Variants in SYN1 observed in about 807,000 individuals in gnomAD.
SYN1 encodes the protein synapsin I, also known as synapsin-1.
SYN1 carries 8 observed loss-of-function variants against 44.6 expected under a neutral mutation model. The observed-to-expected ratio is 0.18, with a 90% confidence interval of 0.11 to 0.32. The LOEUF (loss-of-function observed/expected upper bound fraction) is 0.32, where lower values mean the gene tolerates loss of function less well. Among genes scored for constraint, SYN1 ranks in the 10% least tolerant of loss-of-function variants. The probability of loss-of-function intolerance (pLI) is 1.00; values close to 1 mark genes in which losing one functional copy is unlikely to be tolerated. For missense variants in SYN1, 451 were observed against 639.4 expected (o/e 0.71, Z 3.18); for synonymous variants, 275 against 280.1 (o/e 0.98, Z 0.18).
chrX:47,605,028 C>T lies in SYN1; in HGVS notation c.724G>A (p.Glu242Lys). Residue 242 changes from glutamate (E) to lysine (K), a missense_variant, in exon 5 of 13, where the codon GAA becomes AAA. Glu to Lys is a moderately conservative substitution (Grantham distance 56). Transcript: ENST00000295987. ...MVRLHKKLGT[E>K]EFPLIDQTFY... ...GTCTGATCAATTAGAGGGAATTCTT[C>T]TGTCCCCAGTTTCTTATGCAGTCGA... The T allele has an allele frequency of 1.2e-5, 14 of 1,212,045 alleles. No individual in the cohort carries two copies. The highest frequency in any genetic ancestry group is 1.6e-5 in the Non-Finnish European group (14 of 895,579).
intron 5 of SYN1, chrX:47,583,519 T>C: frequency 2.5e-6 from 3 of 1,198,705 alleles, no homozygotes; most frequent in Non-Finnish European, 3.4e-6. Context: ...CAGACGGCCT[T>C]CTGCAATTCC....
chrX:47,608,585 G>A (rs896675325), intron 1 of SYN1, among the ~76,000 whole-genome samples: 1 of 110,758 alleles, frequency 9.0e-6, no homozygotes. Flanking sequence ...AGTGTAGCTG[G>A]CAATGATGGG....
intron 5 of SYN1, among the ~76,000 whole-genome samples, chrX:47,580,222 CATGTTGCCCAGA>C (rs1270873517): frequency 9.6e-6 from 1 of 104,220 alleles, no homozygotes. Context: ...AGGGTTTCAC[CATGTTGCCCAGA>C]CTGGTCTTGA....
At chrX:47,576,031 G>T in intron 9 of SYN1, 100 bp downstream of exon 9, 1 of 874,786 alleles carries the variant, frequency 1.1e-6, no homozygotes, top group Non-Finnish European at 1.6e-6. Context: ...GCACATTGCT[G>T]TTGGCTGAGG....
Position 47,607,204 on chromosome X carries a change from G to A in SYN1, c.378-6C>T. Reference sequence around the variant, plus strand: ...TCCCTTTGAAGTATTTTGCCCTGGAGAGGAAAAACAACACATCTGTCAATG... The same window carrying A: ...TCCCTTTGAAGTATTTTGCCCTGGAAAGGAAAAACAACACATCTGTCAATG... On this transcript the variant is annotated splice_polypyrimidine_tract_variant and splice_region_variant and intron_variant, in intron 1 of 12. Coordinates refer to ENST00000295987, the MANE Select transcript of SYN1 (RefSeq NM_006950.3). 1 of 1,208,973 alleles carries A rather than the reference G, an allele frequency of 8.3e-7. No homozygotes were observed. The highest frequency in any genetic ancestry group is 1.1e-6 in the Non-Finnish European group (1 of 893,022).
intron 5 of SYN1, among the ~76,000 whole-genome samples, chrX:47,591,882 C>A (rs1014215924): frequency 9.0e-6 from 1 of 111,508 alleles, no homozygotes; most frequent in Non-Finnish European, 1.9e-5. Flanking sequence ...ATGGCAAAAA[C>A]GAAACTTTAC....
In SYN1 at chrX:47,574,743, G is replaced by A; in HGVS notation, c.1338C>T (p.Arg446=). 8.4e-6 allele frequency: 10 copies of A among 1,189,660 alleles called. No individual in the cohort carries two copies. Among genetic ancestry groups the A allele is most frequent in the Admixed American group, 2.4e-5 (1 of 41,556 alleles). Residue 446 remains arginine, a synonymous_variant, in exon 11 of 13, where the codon CGC becomes CGT. Coordinates refer to ENST00000295987, the MANE Select transcript of SYN1 (RefSeq NM_006950.3). ...GCCCTGCGGGCTGCTGGGAGGTCTG[G>A]CGGCCCAAGGGCAGGGCCCCTGGGG... is the stretch of plus-strand genomic sequence containing the variant. ...TPSPGALPLG[R]QTSQQPAGPP...
chrX:47,582,008 A>G (rs781486895), intron 5 of SYN1, among the ~76,000 whole-genome samples: 37 of 112,807 alleles, frequency 3.3e-4, no homozygotes, highest in South Asian at 1.8e-3. Flanking sequence ...AGACATACAA[A>G]ACAAGGGATT....
chrX:47,618,994 G>T, intron 1 of SYN1, among the ~76,000 whole-genome samples: 1 of 110,924 alleles, frequency 9.0e-6, no homozygotes, highest in Admixed American at 9.5e-5. Flanking sequence ...GTGCTCACAA[G>T]ATCCATTAGA....
intron 1 of SYN1, among the ~76,000 whole-genome samples, chrX:47,609,917 G>C (rs1006062211): frequency 8.1e-5 from 9 of 111,562 alleles, no homozygotes; most frequent in Middle Eastern, 4.2e-3. Flanking sequence ...CTGATGGTGG[G>C]CTGTAATGGG....
At position 47,585,982 on chromosome X, in the gene SYN1, A is replaced by G. The variant is rs1360590778; in HGVS notation, c.775-8481T>C. ...CCCCGGGATTGTTTCTTGGTTCCCC[A>G]GAATGTTCTCCAAGAACCCAAAGTG... is the stretch of plus-strand genomic sequence containing the variant. On this transcript the variant is annotated intron_variant, in intron 5 of 12. Transcript: ENST00000295987. 8 of 1,040,237 alleles carry G rather than the reference A, an allele frequency of 7.7e-6. No individual in the cohort carries two copies. The Admixed American group carries it at 2.1e-4, about 27-fold the overall frequency. The allele number at this position is 1,040,237 out of a possible 1,213,427, so 85.7% of individuals were successfully genotyped here.
rs2057772293 is a variant in SYN1 at position 47,574,783 on chromosome X, A to G, written c.1306-8T>C. 7.7e-6 allele frequency: 9 copies of G among 1,172,104 alleles called. No homozygotes were observed. Among genetic ancestry groups the G allele is most frequent in the Non-Finnish European group, 9.2e-6 (8 of 872,518 alleles). Reference sequence around the variant, plus strand: ...GGCCCCTGGGGACGGAGTCTGCGGCAGAGGAATGGAGCAGGAGAGGTTAAA... The same window carrying G: ...GGCCCCTGGGGACGGAGTCTGCGGCGGAGGAATGGAGCAGGAGAGGTTAAA... On this transcript the variant is annotated splice_polypyrimidine_tract_variant and splice_region_variant and intron_variant, in intron 10 of 12. Transcript: ENST00000295987.
chrX:47,619,332 C>T lies in SYN1; in HGVS notation c.377+20G>A, dbSNP rs1426156374. 1.7e-6 allele frequency: 2 copies of T among 1,200,706 alleles called. No homozygotes were observed. Among genetic ancestry groups the T allele is most frequent in the South Asian group, 1.8e-5 (1 of 56,507 alleles). On this transcript the variant is annotated intron_variant, in intron 1 of 12. Coordinates refer to ENST00000295987, the MANE Select transcript of SYN1 (RefSeq NM_006950.3). ...TCTGGGGACCCAGGCCCACGGGAGA[C>T]GTCCGCGGCAGTGGCTTACCAGTCG...
intron 5 of SYN1, among the ~76,000 whole-genome samples, chrX:47,589,760 T>C (rs2057841681): frequency 9.0e-6 from 1 of 111,363 alleles, no homozygotes; most frequent in Admixed American, 9.6e-5. Flanking sequence ...GCCTAACTCA[T>C]AGAGACAATG....
At chrX:47,613,738 C>T (rs1445673694) in intron 1 of SYN1, among the ~76,000 whole-genome samples, 1 of 111,423 alleles carries the variant, frequency 9.0e-6, no homozygotes, top group African/African-American at 3.3e-5. Flanking sequence ...GTATTACACA[C>T]CACGCCACCC....
chrX:47,577,752 C>G (rs1274531817), intron 5 of SYN1, among the ~76,000 whole-genome samples: 1 of 110,157 alleles, frequency 9.1e-6, no homozygotes, highest in Non-Finnish European at 1.9e-5. Context: ...ACGTCCCGCC[C>G]CTGCTTTCCC....
At chrX:47,582,345 A>G (rs1053991841) in intron 5 of SYN1, 6 of 187,327 alleles carry the variant, frequency 3.2e-5, no homozygotes, top group Non-Finnish European at 5.2e-5. Context: ...TGAGTAATGC[A>G]TCCAGGAAGC....
chrX:47,593,959 G>T (rs942738337), intron 5 of SYN1, among the ~76,000 whole-genome samples: 1 of 112,144 alleles, frequency 8.9e-6, no homozygotes, highest in Non-Finnish European at 1.9e-5. Context: ...TACCAGGCGT[G>T]GTGGCTCATG....
chrX:47,606,178 C>G (rs2057896379), intron 3 of SYN1, among the ~76,000 whole-genome samples: 1 of 111,607 alleles, frequency 9.0e-6, no homozygotes, highest in Non-Finnish European at 1.9e-5. Flanking sequence ...TAGGCATGAG[C>G]CACCACATCC....
Sources: allele counts gnomAD v4.1 joint callset (sites outside exome capture counted in the v4.1 genomes callset), GRCh38; gene constraint gnomAD v4.1.1; transcripts MANE v1.5; gene names NCBI Gene and HGNC (gene_info 2026-07-23, HGNC 2026-07-21).